NALF1: variants seen among roughly 807,000 people sequenced by gnomAD.
NALF1 encodes NALCN channel auxiliary factor 1, also known as family with sequence similarity 155 member A.
In NALF1, 3 loss-of-function variants were observed where a neutral mutation model predicts 48.4. That is an observed-to-expected ratio of 0.06 (90% CI 0.03 to 0.16). The LOEUF (loss-of-function observed/expected upper bound fraction) is 0.16. NALF1 is among the 10% of genes least tolerant of loss of function. NALF1 has a pLI of 1.00. For synonymous variants in NALF1, 262 were observed against 245.7 expected (o/e 1.07, Z -0.62); for missense variants, 526 against 571.5 (o/e 0.92, Z 0.81).
At chr13:107,438,189 A>G (rs923628858) in intron 1 of NALF1, among the ~76,000 whole-genome samples, 7 of 152,210 alleles carry the variant, frequency 4.6e-5, no homozygotes, top group South Asian at 2.1e-4. Context: ...CAAGGTTAAC[A>G]CAAGTCAAAT....
At chr13:107,426,749 AC>A (rs1884287609) in intron 1 of NALF1, among the ~76,000 whole-genome samples, 1 of 152,180 alleles carries the variant, frequency 6.6e-6, no homozygotes, top group Non-Finnish European at 1.5e-5. Context: ...ATTTTAAAAT[AC>A]ACAAATCAAA....
chr13:107,582,702 G>A (rs925128282), intron 1 of NALF1, among the ~76,000 whole-genome samples: 1 of 152,128 alleles, frequency 6.6e-6, no homozygotes, highest in Non-Finnish European at 1.5e-5. Context: ...AATATTTCTT[G>A]TACTTTTAAG....
chr13:107,359,344 C>A (rs948467411), intron 1 of NALF1, among the ~76,000 whole-genome samples: 1 of 152,022 alleles, frequency 6.6e-6, no homozygotes, highest in African/African-American at 2.4e-5. Flanking sequence ...CTCTTGAGGT[C>A]TGAGATACTA....
At chr13:107,379,030 C>A (rs1022434850) in intron 1 of NALF1, among the ~76,000 whole-genome samples, 1 of 152,096 alleles carries the variant, frequency 6.6e-6, no homozygotes, top group Non-Finnish European at 1.5e-5. Flanking sequence ...TGATCACCAC[C>A]GTGGCTTGAT....
chr13:107,170,734 C>G lies in NALF1; in HGVS notation c.1140G>C (p.Arg380Ser). 1 of 1,614,166 alleles carries G rather than the reference C, an allele frequency of 6.2e-7. No homozygotes were observed. The highest frequency in any genetic ancestry group is 2.2e-5 in the East Asian group (1 of 44,886). ...TNDEPECCDVRREEKSNNPSK... is the reference protein window; with the variant it reads ...TNDEPECCDVSREEKSNNPSK... ...ATGGGTTATTTGATTTTTCTTCTCT[C>G]CTGACGTCACAGCATTCTGGTTCAT... Residue 380 changes from arginine to serine, a missense_variant, in exon 3 of 3, where the codon AGG (arginine) becomes AGC (serine). By Grantham distance (110) the Arg-to-Ser change is moderately radical. Around this residue, in one of 2 missense-constraint regions of NALF1, gnomAD observed 153 missense variants for 215.9 expected, o/e 0.71. Coordinates refer to ENST00000375915, the MANE Select transcript of NALF1 (RefSeq NM_001080396.3).
At chr13:107,576,556 T>C (rs1019186676) in intron 1 of NALF1, among the ~76,000 whole-genome samples, 4 of 152,166 alleles carry the variant, frequency 2.6e-5, no homozygotes, top group African/African-American at 9.7e-5. Context: ...ACTCTTGTGA[T>C]AGGCTACAGT....
At chr13:107,286,935 G>A (rs1277511600) in intron 1 of NALF1, among the ~76,000 whole-genome samples, 1 of 152,190 alleles carries the variant, frequency 6.6e-6, no homozygotes, top group East Asian at 1.9e-4. Flanking sequence ...TGTGTAAGGG[G>A]TATAATTTTA....
At chr13:107,399,025 G>A (rs1883759887) in intron 1 of NALF1, among the ~76,000 whole-genome samples, 1 of 152,098 alleles carries the variant, frequency 6.6e-6, no homozygotes, top group Admixed American at 6.5e-5. Context: ...GAAGTGACAT[G>A]GTCATAGGTT....
chr13:107,629,617 T>TCC (rs1487161702), intron 1 of NALF1, among the ~76,000 whole-genome samples: 1 of 46,662 alleles, frequency 2.1e-5, no homozygotes, highest in Admixed American at 3.8e-4. Flanking sequence ...TTGCTCTCTC[T>TCC]TCTCACTTTT....
chr13:107,306,621 G>A (rs1881941349), intron 1 of NALF1, among the ~76,000 whole-genome samples: 1 of 152,130 alleles, frequency 6.6e-6, no homozygotes, highest in African/African-American at 2.4e-5. Flanking sequence ...AGAAAAAAAT[G>A]TTACCTGATA....
chr13:107,554,807 T>C (rs1035176466), intron 1 of NALF1, among the ~76,000 whole-genome samples: 2 of 152,104 alleles, frequency 1.3e-5, no homozygotes, highest in African/African-American at 2.4e-5. Context: ...ATGATAAATA[T>C]TGCCCTTCCT....
At chr13:107,319,203 A>G (rs1363910630) in intron 1 of NALF1, among the ~76,000 whole-genome samples, 1 of 152,076 alleles carries the variant, frequency 6.6e-6, no homozygotes, top group East Asian at 1.9e-4. Flanking sequence ...CAAAACCATC[A>G]GGGTTGGGGT....
intron 1 of NALF1, among the ~76,000 whole-genome samples, chr13:107,704,787 C>T (rs1241797700): frequency 1.3e-5 from 2 of 152,050 alleles, no homozygotes; most frequent in East Asian, 1.9e-4. Flanking sequence ...TAAACTTTAC[C>T]TTAGAATTGA....
At chr13:107,321,082 A>C (rs1882245707) in intron 1 of NALF1, 1 of 152,138 alleles carries the variant, frequency 6.6e-6, no homozygotes, top group South Asian at 2.1e-4. Context: ...CTGAATTTTA[A>C]CATATATAGA....
chr13:107,634,531 G>C (rs1266716635), intron 1 of NALF1, among the ~76,000 whole-genome samples: 1 of 152,060 alleles, frequency 6.6e-6, no homozygotes, highest in South Asian at 2.1e-4. Context: ...TTAGGAGAAG[G>C]GGAAAAGATC....
chr13:107,846,577 T>A (rs1164449193), intron 1 of NALF1, among the ~76,000 whole-genome samples: 1 of 152,170 alleles, frequency 6.6e-6, no homozygotes. Flanking sequence ...AGGATAGGCA[T>A]GTAGAATCTA....
intron 2 of NALF1, among the ~76,000 whole-genome samples, chr13:107,190,965 T>C (rs1224388940): frequency 6.6e-6 from 1 of 152,192 alleles, no homozygotes; most frequent in Admixed American, 6.5e-5. Context: ...AAGAAAGCTG[T>C]AGTTATGCAT....
intron 1 of NALF1, among the ~76,000 whole-genome samples, chr13:107,687,301 C>A (rs1881456697): frequency 6.6e-6 from 1 of 151,652 alleles, no homozygotes; most frequent in African/African-American, 2.4e-5. Context: ...CTCCAAGAGT[C>A]TGGATGGAGG....
intron 1 of NALF1, among the ~76,000 whole-genome samples, chr13:107,497,224 T>C (rs1054484249): frequency 6.6e-6 from 1 of 152,148 alleles, no homozygotes; most frequent in African/African-American, 2.4e-5. Context: ...TGAATGAATA[T>C]AAAAATAGTC....
Sources: allele counts gnomAD v4.1 joint callset (sites outside exome capture counted in the v4.1 genomes callset), GRCh38; gene constraint gnomAD v4.1.1; regional missense constraint gnomAD v4.1.1; transcripts MANE v1.5; gene names NCBI Gene and HGNC (gene_info 2026-07-23, HGNC 2026-07-21).